The following UTP25 variants were observed in gnomAD, a reference collection of about 807,000 sequenced individuals.
UTP25 encodes the protein U3 small nucleolar RNA-associated protein 25 homolog.
UTP25 carries 50 observed loss-of-function variants against 78.9 expected under a neutral mutation model. The ratio of observed to expected loss-of-function variants is 0.63; its 90% CI spans 0.50 to 0.80. UTP25 has a LOEUF of 0.80. Ranked by LOEUF, UTP25 falls within the 30% of genes least tolerant of loss-of-function variation. UTP25 has a pLI of 0.00. For synonymous variants in UTP25, 329 were observed against 336.5 expected (o/e 0.98, Z 0.24); for missense variants, 846 against 911.3 (o/e 0.93, Z 0.92).
rs1343439345 is a variant in UTP25 at position 209,837,047 on chromosome 1, C to G, written c.898C>G (p.Leu300Val). The G allele has an allele frequency of 1.2e-6, 2 of 1,614,030 alleles. No homozygotes were observed. The highest frequency in any genetic ancestry group is 8.5e-7 in the Non-Finnish European group (1 of 1,180,018). The change falls in exon 6 of 12, where the codon CTG becomes GTG. Residue 300 changes from leucine to valine, a missense_variant. Leu to Val is a conservative substitution (Grantham distance 32, BLOSUM62 1). Coordinates refer to ENST00000491415, the MANE Select transcript of UTP25 (RefSeq NM_014388.7). ...RDLFYPERTALKNGEEIRHVY... is the reference protein window; with the variant it reads ...RDLFYPERTAVKNGEEIRHVY... ...CCTGTTCTACCCGGAAAGGACTGCTCTGAAGAACGGGGAAGAGATCCGCCA... is the reference window on the plus strand; with the variant it reads ...CCTGTTCTACCCGGAAAGGACTGCTGTGAAGAACGGGGAAGAGATCCGCCA...
At chr1:209,849,682 A>G (rs924934366) in intron 11 of UTP25, among the ~76,000 whole-genome samples, 8 of 152,130 alleles carry the variant, frequency 5.3e-5, no homozygotes, top group South Asian at 2.1e-4. Context: ...CCTCTGGAAC[A>G]AGCTCATGAG....
chr1:209,847,984 C>T (rs2078208270), intron 11 of UTP25, among the ~76,000 whole-genome samples: 1 of 152,092 alleles, frequency 6.6e-6, no homozygotes, highest in African/African-American at 2.4e-5. Flanking sequence ...ATCTGGTTTC[C>T]TGCAGTATGT....
rs1279017672 is a variant in UTP25 at position 209,845,283 on chromosome 1, C to T, written c.2027+1587C>T. ...TGTTAATGAATGCCTGCTTGTTGCCCTCATTATTTGCTCTGTTCCAGTAAG... is the reference window on the plus strand; with the variant it reads ...TGTTAATGAATGCCTGCTTGTTGCCTTCATTATTTGCTCTGTTCCAGTAAG... On this transcript the variant is annotated intron_variant, in intron 11 of 11. Transcript: ENST00000491415. Among the ~76,000 whole-genome samples, 5 of 152,302 alleles carry T rather than the reference C, an allele frequency of 3.3e-5. No homozygotes were observed. In the South Asian group the frequency reaches 6.2e-4, roughly 19 times the overall value.
chr1:209,851,257 C>T lies in UTP25; in HGVS notation c.2081C>T (p.Pro694Leu). The change falls in exon 12 of 12, where the codon CCA (proline) becomes CTA (leucine). Residue 694 changes from proline to leucine, a missense_variant. Coordinates refer to ENST00000491415, the MANE Select transcript of UTP25 (RefSeq NM_014388.7). ...ATTTTCTATGAACTGCCGACATATC[C>T]ACACTTTTACAGTGAAATCTGTAAT... is the stretch of plus-strand genomic sequence containing the variant. Reference protein sequence around the residue: ...NLIFYELPTYPHFYSEICNML... With the variant: ...NLIFYELPTYLHFYSEICNML... 1 of 1,614,088 alleles carries T rather than the reference C, an allele frequency of 6.2e-7. No homozygotes were observed. The highest frequency in any genetic ancestry group is 1.1e-5 in the South Asian group (1 of 91,068).
intron 4 of UTP25, among the ~76,000 whole-genome samples, chr1:209,833,924 C>T (rs2078117477): frequency 6.6e-6 from 1 of 152,200 alleles, no homozygotes; most frequent in Admixed American, 6.5e-5. Context: ...TCCAGTTTCT[C>T]AGCCAGTGTC....
At chr1:209,845,724 C>G (rs990832235) in intron 11 of UTP25, among the ~76,000 whole-genome samples, 14 of 151,372 alleles carry the variant, frequency 9.2e-5, no homozygotes, top group African/African-American at 3.4e-4. Flanking sequence ...AGCTAATTAT[C>G]TCAAGGTTTC....
chr1:209,847,945 A>G (rs1210328840), intron 11 of UTP25, among the ~76,000 whole-genome samples: 1 of 152,214 alleles, frequency 6.6e-6, no homozygotes, highest in Admixed American at 6.5e-5. Context: ...TTACTTTTTC[A>G]TGACATCGAC....
In UTP25 at chr1:209,842,636, G is replaced by A. The variant is rs1352402320; in HGVS notation, c.1722G>A (p.Gln574=). The part of the protein sequence containing the change: ...MTGSISHVLV[Q]LPHVFQRMEA... ...GCTCTATCAGTCATGTCCTGGTGCA[G>A]CTCCCACATGTCTTCCAGAGGATGG... The change falls in exon 10 of 12, where the codon CAG becomes CAA. Residue 574 remains glutamine (Q), a synonymous_variant. Transcript: ENST00000491415. 1 of 1,613,828 alleles carries A rather than the reference G, an allele frequency of 6.2e-7. No individual in the cohort carries two copies. The highest frequency in any genetic ancestry group is 2.2e-5 in the East Asian group (1 of 44,876).
At chr1:209,848,721 C>T (rs1240239838) in intron 11 of UTP25, among the ~76,000 whole-genome samples, 1 of 152,174 alleles carries the variant, frequency 6.6e-6, no homozygotes. Flanking sequence ...TCCAAAGCTC[C>T]ATAGACTGAA....
chr1:209,851,552 A>G lies in UTP25; in HGVS notation c.*105A>G. 3 of 1,403,130 alleles carry G rather than the reference A, an allele frequency of 2.1e-6. No individual in the cohort carries two copies. The South Asian group carries it at 4.4e-5, about 21-fold the overall frequency. The allele number at this position is 1,403,130 out of a possible 1,614,324, so 86.9% of individuals were successfully genotyped here. On this transcript the variant is annotated 3_prime_UTR_variant, in exon 12 of 12. Transcript: ENST00000491415. Reference sequence around the variant, plus strand: ...TTACAGAAGAAGGACTGATACAAAGAAAGTGCATGAGGCAATGTCAGTATT... The same window carrying G: ...TTACAGAAGAAGGACTGATACAAAGGAAGTGCATGAGGCAATGTCAGTATT...
chr1:209,835,047 G>A (rs971640285), intron 4 of UTP25, 28 bp from the exon 5 acceptor site: 8 of 1,586,774 alleles, frequency 5.0e-6, no homozygotes, highest in South Asian at 2.2e-5. Context: ...GTTGCATAGT[G>A]TGCTGACATT....
Position 209,855,525 on chromosome 1 carries a change from A to G in UTP25, c.*4078A>G, listed in dbSNP as rs1315650617. ...GAGTGAGGACAGGTATGTGACTGCC[A>G]TAAGGAGCTGTTTGCTTTGCACAGA... is the stretch of plus-strand genomic sequence containing the variant. On this transcript the variant is annotated 3_prime_UTR_variant, in exon 12 of 12. Coordinates refer to ENST00000491415, the MANE Select transcript of UTP25 (RefSeq NM_014388.7). The G allele has an allele frequency of 6.6e-6, 1 of 152,324 alleles. No individual in the cohort carries two copies. Among genetic ancestry groups the G allele is most frequent in the African/African-American group, 2.4e-5 (1 of 41,464 alleles). 9.4% of individuals were successfully genotyped at this position (152,324 alleles called of 1,614,324 possible).
chr1:209,845,530 GGAGC>G (rs2078192279), intron 11 of UTP25, among the ~76,000 whole-genome samples: 1 of 152,216 alleles, frequency 6.6e-6, no homozygotes, highest in South Asian at 2.1e-4. Context: ...GACAGGGCAT[GGAGC>G]CCTTTGTAAG....
intron 11 of UTP25, chr1:209,844,281 A>C (rs759885031): frequency 1.3e-5 from 2 of 152,280 alleles, no homozygotes; most frequent in Admixed American, 6.5e-5. Flanking sequence ...GCGTTTGCTT[A>C]GATTTCCTAC....
Position 209,842,452 on chromosome 1 carries a change from G to A in UTP25, c.1668+5G>A, listed in dbSNP as rs772657093. ...TGTGTCAACATGCAAGGCCAGGTGGGTTCTCGTCTTGTTTCCTCAGTATCT... is the reference window on the plus strand; with the variant it reads ...TGTGTCAACATGCAAGGCCAGGTGGATTCTCGTCTTGTTTCCTCAGTATCT... On this transcript the variant is annotated splice_donor_5th_base_variant and intron_variant, in intron 9 of 11. Transcript: ENST00000491415. 6.2e-7 allele frequency: 1 copy of A among 1,614,120 alleles called. No individual in the cohort carries two copies. Among genetic ancestry groups the A allele is most frequent in the Non-Finnish European group, 8.5e-7 (1 of 1,179,988 alleles).
intron 3 of UTP25, 26 bp downstream of exon 3, chr1:209,831,069 C>G (rs115697500): frequency 6.2e-7 from 1 of 1,612,266 alleles, no homozygotes; most frequent in Admixed American, 1.7e-5. Context: ...ATAGGCTCAT[C>G]ATCTTTGCCA....
At chr1:209,840,117 A>G (rs757739073) in intron 7 of UTP25, among the ~76,000 whole-genome samples, 4 of 152,238 alleles carry the variant, frequency 2.6e-5, no homozygotes, top group African/African-American at 7.2e-5. Context: ...TAAGGAGACA[A>G]GAGCTCGTGT....
Position 209,842,451 on chromosome 1 carries a change from G to A in UTP25, c.1668+4G>A, listed in dbSNP as rs1328957672. 1 of 1,613,978 alleles carries A rather than the reference G, an allele frequency of 6.2e-7. No homozygotes were observed. The highest frequency in any genetic ancestry group is 1.3e-5 in the African/African-American group (1 of 74,914). On this transcript the variant is annotated splice_donor_region_variant and intron_variant, in intron 9 of 11. Transcript: ENST00000491415. ...CTGTGTCAACATGCAAGGCCAGGTGGGTTCTCGTCTTGTTTCCTCAGTATC... is the reference window on the plus strand; with the variant it reads ...CTGTGTCAACATGCAAGGCCAGGTGAGTTCTCGTCTTGTTTCCTCAGTATC...
intron 11 of UTP25, among the ~76,000 whole-genome samples, chr1:209,849,065 C>G (rs1353170840): frequency 6.6e-6 from 1 of 152,026 alleles, no homozygotes; most frequent in Non-Finnish European, 1.5e-5. Context: ...AGAGGAGGGT[C>G]TCACTCCACA....
Sources: allele counts gnomAD v4.1 joint callset (sites outside exome capture counted in the v4.1 genomes callset), GRCh38; gene constraint gnomAD v4.1.1; transcripts MANE v1.5; gene names NCBI Gene and HGNC (gene_info 2026-07-23, HGNC 2026-07-21).